The following RAB3C variants were observed in gnomAD, a reference collection of about 807,000 sequenced individuals.
RAB3C encodes RAB3C, member RAS oncogene family, also known as ras-related protein Rab-3C.
A neutral mutation model predicts 26.4 loss-of-function variants in RAB3C; 17 were observed. The ratio of observed to expected loss-of-function variants is 0.64; its 90% CI spans 0.44 to 0.97. The LOEUF (loss-of-function observed/expected upper bound fraction) is 0.97. RAB3C is among the 50% of genes least tolerant of loss of function. The probability of loss-of-function intolerance (pLI) is 0.00; values close to 1 mark genes in which losing one functional copy is unlikely to be tolerated. For missense variants in RAB3C, 242 were observed against 281.9 expected, an observed-to-expected ratio of 0.86 and a Z score of 1.01; for synonymous variants, 91 against 95.9, an observed-to-expected ratio of 0.95 and a Z score of 0.30.
At position 58,617,787 on chromosome 5, in the gene RAB3C, T is replaced by C. The variant is rs150626053; in HGVS notation, c.169T>C (p.Ser57Pro). The C allele has an allele frequency of 9.8e-5, 158 of 1,613,676 alleles. No individual in the cohort carries two copies. Among genetic ancestry groups the C allele is most frequent in the Admixed American group, 5.3e-4 (32 of 59,898 alleles). ...CCGTTATGCAGATGACTCCTTTACATCTGCATTCGTCAGCACAGTTGGGAT... is the reference window on the plus strand; with the variant it reads ...CCGTTATGCAGATGACTCCTTTACACCTGCATTCGTCAGCACAGTTGGGAT... Reference protein sequence around the residue: ...LFRYADDSFTSAFVSTVGIDF... With the variant: ...LFRYADDSFTPAFVSTVGIDF... The change falls in exon 2 of 5, where the codon TCT (serine) becomes CCT (proline). Residue 57 changes from serine to proline, a missense_variant. Transcript: ENST00000282878.
chr5:58,725,734 A>G (rs1052512459), intron 2 of RAB3C, among the ~76,000 whole-genome samples: 1 of 151,938 alleles, frequency 6.6e-6, no homozygotes, highest in Non-Finnish European at 1.5e-5. Flanking sequence ...AAAGTGTTGT[A>G]TATCTTAATT....
chr5:58,734,608 A>G (rs1361031808), intron 3 of RAB3C, among the ~76,000 whole-genome samples: 1 of 152,194 alleles, frequency 6.6e-6, no homozygotes, highest in East Asian at 1.9e-4. Context: ...AGGGCTCCTA[A>G]TCCTCAGCCC....
At chr5:58,607,977 C>T (rs1746608957) in intron 1 of RAB3C, among the ~76,000 whole-genome samples, 1 of 152,198 alleles carries the variant, frequency 6.6e-6, no homozygotes, top group Admixed American at 6.5e-5. Context: ...ACTGCAAAAA[C>T]ATCCCAAATT....
chr5:58,813,981 T>G (rs577341125), intron 3 of RAB3C, among the ~76,000 whole-genome samples: 6 of 152,174 alleles, frequency 3.9e-5, no homozygotes. Flanking sequence ...AAAGCAGAGA[T>G]AACCTGGAAA....
intron 3 of RAB3C, among the ~76,000 whole-genome samples, chr5:58,797,352 AAATATG>A (rs1427279311): frequency 8.6e-5 from 5 of 58,366 alleles, no homozygotes; most frequent in African/African-American, 1.2e-4. Context: ...AAAAAAAAAA[AAATATG>A]TATATATATA....
intron 2 of RAB3C, among the ~76,000 whole-genome samples, chr5:58,672,346 C>T (rs904333690): frequency 6.6e-6 from 1 of 152,150 alleles, no homozygotes; most frequent in African/African-American, 2.4e-5. Context: ...AGCTCTTCAG[C>T]GGGGTCATGG....
chr5:58,692,974 G>C (rs1043214995), intron 2 of RAB3C, among the ~76,000 whole-genome samples: 2 of 151,748 alleles, frequency 1.3e-5, no homozygotes, highest in African/African-American at 4.8e-5. Context: ...AGGAGTGTTG[G>C]TGCATGCCTG....
intron 2 of RAB3C, among the ~76,000 whole-genome samples, chr5:58,666,393 T>C (rs1748002227): frequency 6.6e-6 from 1 of 152,166 alleles, no homozygotes; most frequent in African/African-American, 2.4e-5. Flanking sequence ...ATCTCTAGTT[T>C]TGCCAAGTGT....
chr5:58,761,321 T>A (rs1290391167), intron 3 of RAB3C, among the ~76,000 whole-genome samples: 1 of 152,214 alleles, frequency 6.6e-6, no homozygotes, highest in African/African-American at 2.4e-5. Context: ...TAATGACTTT[T>A]TACCTGATAG....
At chr5:58,680,327 A>G (rs543451455) in intron 2 of RAB3C, among the ~76,000 whole-genome samples, 1 of 152,306 alleles carries the variant, frequency 6.6e-6, no homozygotes, top group Non-Finnish European at 1.5e-5. Flanking sequence ...ATTGCCTAGA[A>G]ACCAGATCAA....
rs182021294 is a variant in RAB3C at position 58,830,104 on chromosome 5, G to A, written c.496+4942G>A. The stretch of plus-strand genomic sequence containing the variant: ...GTTACTTCTCTTTTTGGAAAATGAA[G>A]AATGACAAAAAGATACATTCTATGT... On this transcript the variant is annotated intron_variant, in intron 4 of 4. Coordinates refer to ENST00000282878, the MANE Select transcript of RAB3C (RefSeq NM_138453.4). Among the ~76,000 whole-genome samples, 29 of 152,144 alleles carry A rather than the reference G, an allele frequency of 1.9e-4. No homozygotes were observed. The East Asian group carries it at 5.6e-3, about 29-fold the overall frequency.
intron 2 of RAB3C, among the ~76,000 whole-genome samples, chr5:58,707,620 C>A (rs1266203971): frequency 6.6e-6 from 1 of 152,156 alleles, no homozygotes; most frequent in African/African-American, 2.4e-5. Context: ...AGAATTCCTG[C>A]TCTTAACAAT....
chr5:58,780,017 G>A (rs145148588), intron 3 of RAB3C, among the ~76,000 whole-genome samples: 119 of 152,100 alleles, frequency 7.8e-4, no homozygotes, highest in African/African-American at 2.7e-3. Flanking sequence ...CAAAAGCTTC[G>A]GGCACAGGGA....
intron 3 of RAB3C, among the ~76,000 whole-genome samples, chr5:58,737,112 C>A (rs1448683720): frequency 6.6e-6 from 1 of 152,018 alleles, no homozygotes; most frequent in Non-Finnish European, 1.5e-5. Context: ...TCTCCACATG[C>A]CACCAAGTTT....
At chr5:58,716,606 TTTAAGTC>T (rs1749178253) in intron 2 of RAB3C, among the ~76,000 whole-genome samples, 1 of 152,056 alleles carries the variant, frequency 6.6e-6, no homozygotes, top group East Asian at 1.9e-4. Context: ...TAACACCCTG[TTTAAGTC>T]TACATTCTTG....
At chr5:58,666,343 A>G (rs1164352061) in intron 2 of RAB3C, among the ~76,000 whole-genome samples, 1 of 152,182 alleles carries the variant, frequency 6.6e-6, no homozygotes, top group Non-Finnish European at 1.5e-5. Context: ...AAGGTGAACA[A>G]GCTATTACTC....
chr5:58,607,923 C>T (rs1343274446), intron 1 of RAB3C, among the ~76,000 whole-genome samples: 5 of 152,102 alleles, frequency 3.3e-5, no homozygotes, highest in African/African-American at 9.7e-5. Flanking sequence ...ACAAGAGCTC[C>T]TGAAGGAAGC....
At chr5:58,754,506 G>A (rs1315255565) in intron 3 of RAB3C, among the ~76,000 whole-genome samples, 1 of 152,150 alleles carries the variant, frequency 6.6e-6, no homozygotes, top group African/African-American at 2.4e-5. Flanking sequence ...CCCAGGGCCA[G>A]TTTAGTAAGG....
At chr5:58,694,521 G>A (rs147665297) in intron 2 of RAB3C, among the ~76,000 whole-genome samples, 3,501 of 152,194 alleles carry the variant, frequency 0.023, 138 homozygotes, top group African/African-American at 0.08. Flanking sequence ...TGTCTTCCAC[G>A]ATGGTTGAAC....
Sources: allele counts gnomAD v4.1 joint callset (sites outside exome capture counted in the v4.1 genomes callset), GRCh38; gene constraint gnomAD v4.1.1; transcripts MANE v1.5; gene names NCBI Gene and HGNC (gene_info 2026-07-23, HGNC 2026-07-21).